LINGO2: variants seen among roughly 807,000 people sequenced by gnomAD.
LINGO2 encodes the protein leucine rich repeat and Ig domain containing 2.
A neutral mutation model predicts 30.6 loss-of-function variants in LINGO2; 14 were observed. The ratio of observed to expected loss-of-function variants is 0.46; its 90% confidence interval spans 0.30 to 0.72. The LOEUF (loss-of-function observed/expected upper bound fraction) is 0.72. LINGO2 is among the 30% of genes least tolerant of loss of function. The probability of loss-of-function intolerance (pLI) is 0.07; values close to 1 mark genes in which losing one functional copy is unlikely to be tolerated. For synonymous variants in LINGO2, 317 were observed against 288.5 expected, an observed-to-expected ratio of 1.10 and a Z score of -1.00; for missense variants, 729 against 751.7, an observed-to-expected ratio of 0.97 and a Z score of 0.35.
At chr9:29,091,992 C>T in the LINGO2 span, among the ~76,000 whole-genome samples, 2 of 151,916 alleles carry the variant, frequency 1.3e-5, no homozygotes, top group African/African-American at 2.4e-5. Context: ...TAGTTAGTCA[C>T]GTGGTAGTCC....
the LINGO2 span, among the ~76,000 whole-genome samples, chr9:29,002,491 T>C: frequency 1.3e-5 from 2 of 152,198 alleles, no homozygotes; most frequent in African/African-American, 2.4e-5. Context: ...TGCTTTGACA[T>C]TGTGAAGGCA....
At chr9:28,694,158 T>C in the LINGO2 span, among the ~76,000 whole-genome samples, 10 of 152,006 alleles carry the variant, frequency 6.6e-5, no homozygotes, top group African/African-American at 2.4e-4. Flanking sequence ...AGACAGTTGT[T>C]TTATTATGGA....
chr9:29,060,661 A>G, the LINGO2 span, among the ~76,000 whole-genome samples: 6 of 152,182 alleles, frequency 3.9e-5, no homozygotes, highest in African/African-American at 1.4e-4. Context: ...ATGGAAAGAT[A>G]GTTCATAGGA....
At chr9:28,071,525 A>C (rs1014711634) in intron 4 of LINGO2, among the ~76,000 whole-genome samples, 4 of 151,646 alleles carry the variant, frequency 2.6e-5, no homozygotes, top group African/African-American at 9.7e-5. Context: ...AAGTTTTTGT[A>C]CTTTCCCAAC....
chr9:28,117,486 A>T (rs370278596), intron 4 of LINGO2, among the ~76,000 whole-genome samples: 1 of 92,992 alleles, frequency 1.1e-5, no homozygotes, highest in East Asian at 2.8e-4. Context: ...AAGCCTGGGC[A>T]ATGGCGGGCG....
chr9:28,172,598 C>T (rs1007014574), intron 4 of LINGO2, among the ~76,000 whole-genome samples: 4 of 152,202 alleles, frequency 2.6e-5, no homozygotes, highest in Admixed American at 2.0e-4. Flanking sequence ...TTAATCAAAC[C>T]TATAAATTTA....
chr9:28,637,678 T>C (rs185634998), intron 1 of LINGO2, among the ~76,000 whole-genome samples: 2,463 of 152,312 alleles, frequency 0.016, 38 homozygotes, highest in Non-Finnish European at 0.025. Flanking sequence ...TTTTGAATCC[T>C]GAGACTTTGC....
At chr9:28,720,810 C>T in the LINGO2 span, among the ~76,000 whole-genome samples, 10 of 152,076 alleles carry the variant, frequency 6.6e-5, no homozygotes, top group Non-Finnish European at 1.5e-4. Flanking sequence ...TATTGCTTTT[C>T]ATGCAAAATA....
At chr9:29,178,498 G>A in the LINGO2 span, among the ~76,000 whole-genome samples, 1 of 152,052 alleles carries the variant, frequency 6.6e-6, no homozygotes, top group East Asian at 1.9e-4. Context: ...ATAGAGGAGA[G>A]TGTTGGTGAA....
chr9:29,178,070 T>C, the LINGO2 span, among the ~76,000 whole-genome samples: 1 of 152,030 alleles, frequency 6.6e-6, no homozygotes, highest in Non-Finnish European at 1.5e-5. Flanking sequence ...TTTATTTATT[T>C]TTGAGGTGGA....
At chr9:28,367,168 A>G (rs922733638) in intron 3 of LINGO2, among the ~76,000 whole-genome samples, 29 of 150,236 alleles carry the variant, frequency 1.9e-4, no homozygotes, top group African/African-American at 6.8e-4. Flanking sequence ...GATGTTCTAT[A>G]CATTTATTTC....
chr9:28,649,837 T>C (rs1462126065), intron 1 of LINGO2, among the ~76,000 whole-genome samples: 1 of 151,858 alleles, frequency 6.6e-6, no homozygotes, highest in African/African-American at 2.4e-5. Context: ...AAAAAGGTAA[T>C]CTAAAGGAAA....
At position 28,285,937 on chromosome 9, in the gene LINGO2, C is replaced by T. The variant is rs890011376; in HGVS notation, c.-87+9271G>A. 3.3e-5 allele frequency among the ~76,000 whole-genome samples: 5 copies of T among 152,172 alleles called. No individual in the cohort carries two copies. The South Asian group carries it at 1.0e-3, about 31-fold the overall frequency. On this transcript the variant is annotated intron_variant, in intron 4 of 5. Coordinates refer to ENST00000379992, the Ensembl canonical transcript of LINGO2. Reference sequence around the variant, plus strand: ...TCTTTCTCCCAATATATGAGACTTTCACAACATGTAGACCTTATTAAGTAA... The same window carrying T: ...TCTTTCTCCCAATATATGAGACTTTTACAACATGTAGACCTTATTAAGTAA...
intron 4 of LINGO2, among the ~76,000 whole-genome samples, chr9:28,250,827 T>G (rs1309545460): frequency 2.6e-5 from 4 of 152,172 alleles, no homozygotes; most frequent in African/African-American, 9.7e-5. Flanking sequence ...AGAGGAGGAC[T>G]AGTGGACAGA....
rs1820382487 is a variant in LINGO2 at position 27,972,083 on chromosome 9, A to G, written c.-35-21377T>C. ...TGGGTACTGCAATGGAACCAAAGTCACAAAAGGACTTATAAAAAGGAATTA... is the reference window on the plus strand; with the variant it reads ...TGGGTACTGCAATGGAACCAAAGTCGCAAAAGGACTTATAAAAAGGAATTA... On this transcript the variant is annotated intron_variant, in intron 5 of 5. Coordinates refer to ENST00000379992, the Ensembl canonical transcript of LINGO2. Among the ~76,000 whole-genome samples the G allele has an allele frequency of 4.6e-5, 7 of 152,204 alleles. No homozygotes were observed. The South Asian group carries it at 1.4e-3, about 31-fold the overall frequency.
At chr9:28,259,047 T>G (rs994277588) in intron 4 of LINGO2, among the ~76,000 whole-genome samples, 1 of 151,986 alleles carries the variant, frequency 6.6e-6, no homozygotes, top group African/African-American at 2.4e-5. Context: ...AATTTTACCC[T>G]CTCCAGAATT....
chr9:28,224,285 C>T (rs6476043), intron 4 of LINGO2, among the ~76,000 whole-genome samples: 150,821 of 152,224 alleles, frequency 0.99, 74,729 homozygotes, highest in Middle Eastern at 1. Flanking sequence ...AGGATGGTCT[C>T]GATCTCCTGA....
At chr9:29,207,653 T>A in the LINGO2 span, among the ~76,000 whole-genome samples, 1 of 152,040 alleles carries the variant, frequency 6.6e-6, no homozygotes. Flanking sequence ...CTAGTCTAGG[T>A]TCCCAGGTTT....
chr9:29,036,869 T>A, the LINGO2 span, among the ~76,000 whole-genome samples: 1 of 151,950 alleles, frequency 6.6e-6, no homozygotes, highest in Non-Finnish European at 1.5e-5. Context: ...TAAAGGCTCA[T>A]TGAAAAAGGA....
Sources: gnomAD v4.1 joint callset for allele counts (sites outside exome capture counted in the v4.1 genomes callset) on GRCh38, gnomAD v4.1.1 for gene constraint, MANE v1.5 for transcripts, NCBI Gene and HGNC (gene_info 2026-07-23, HGNC 2026-07-21) for gene names.